HPSE2: variants seen among roughly 807,000 people sequenced by gnomAD.
The protein encoded by HPSE2 is inactive heparanase-2.
In HPSE2, 38 loss-of-function variants were observed where a neutral mutation model predicts 60.5. The observed-to-expected ratio is 0.63, with a 90% CI of 0.48 to 0.82. The LOEUF (loss-of-function observed/expected upper bound fraction) is 0.82. Among genes scored for constraint, HPSE2 ranks in the 40% least tolerant of loss-of-function variants. The probability of loss-of-function intolerance (pLI) is 0.00; values close to 1 mark genes in which losing one functional copy is unlikely to be tolerated. For missense variants in HPSE2, 713 were observed against 740.4 expected, an observed-to-expected ratio of 0.96 and a Z score of 0.43; for synonymous variants, 295 against 293.2, an observed-to-expected ratio of 1.01 and a Z score of -0.06.
intron 3 of HPSE2, among the ~76,000 whole-genome samples, chr10:98,829,685 A>T (rs1353587649): frequency 6.6e-6 from 1 of 152,146 alleles, no homozygotes; most frequent in African/African-American, 2.4e-5. Context: ...TAAAATTTAA[A>T]CTTCCCCCCA....
intron 3 of HPSE2, among the ~76,000 whole-genome samples, chr10:99,002,610 G>A (rs1330655448): frequency 3.9e-5 from 6 of 152,022 alleles, no homozygotes; most frequent in Admixed American, 2.0e-4. Flanking sequence ...AGAAAAGTCT[G>A]AGAAACTGTC....
intron 1 of HPSE2, among the ~76,000 whole-genome samples, chr10:99,232,860 G>A (rs1849707784): frequency 6.6e-6 from 1 of 152,252 alleles, no homozygotes; most frequent in South Asian, 2.1e-4. Context: ...CAGTTGCCCG[G>A]CTTCTGCCAC....
intron 3 of HPSE2, among the ~76,000 whole-genome samples, chr10:98,940,186 A>G (rs1954946095): frequency 7.0e-6 from 1 of 143,702 alleles, no homozygotes; most frequent in Non-Finnish European, 1.5e-5. Context: ...GAGAAGCAAG[A>G]ACAAACACAT....
At chr10:99,099,111 G>A (rs190100752) in intron 3 of HPSE2, among the ~76,000 whole-genome samples, 20 of 152,298 alleles carry the variant, frequency 1.3e-4, no homozygotes, top group African/African-American at 3.6e-4. Context: ...TGAGGTACTG[G>A]GTTCATCTCA....
At chr10:99,100,027 C>A (rs1340587859) in intron 3 of HPSE2, among the ~76,000 whole-genome samples, 1 of 152,056 alleles carries the variant, frequency 6.6e-6, no homozygotes, top group African/African-American at 2.4e-5. Flanking sequence ...GCAGATAAAA[C>A]CACAAAGATG....
chr10:98,683,004 C>G (rs1241741994), intron 6 of HPSE2, among the ~76,000 whole-genome samples: 1 of 152,154 alleles, frequency 6.6e-6, no homozygotes, highest in Non-Finnish European at 1.5e-5. Flanking sequence ...GACATCCAGC[C>G]CTTTCTCTCA....
chr10:98,584,118 T>TA (rs1449416060), intron 9 of HPSE2, among the ~76,000 whole-genome samples: 1 of 152,194 alleles, frequency 6.6e-6, no homozygotes, highest in African/African-American at 2.4e-5. Flanking sequence ...TTTACAATCT[T>TA]ACCAGCGATG....
chr10:99,164,117 T>C (rs1244085614), intron 2 of HPSE2, among the ~76,000 whole-genome samples: 2 of 150,890 alleles, frequency 1.3e-5, no homozygotes, highest in African/African-American at 2.4e-5. Flanking sequence ...ACACCAATAA[T>C]TACTCTGGTG....
Position 98,987,190 on chromosome 10 carries a change from A to C in HPSE2, c.610+157048T>G, listed in dbSNP as rs550505200. Among the ~76,000 whole-genome samples, 357 of 152,106 alleles carry C rather than the reference A, an allele frequency of 2.3e-3. 2 individuals carry two copies. The highest frequency in any genetic ancestry group is 3.4e-3 in the Admixed American group (52 of 15,246). On this transcript the variant is annotated intron_variant, in intron 3 of 11. Coordinates refer to ENST00000370552, the MANE Select transcript of HPSE2 (RefSeq NM_021828.5). ...CCAAAGCCTGGCAGAGAGACAACAA[A>C]AAAAAAAGAGAATTTTAGACCAATA...
At chr10:98,739,161 T>C (rs1354019005) in intron 4 of HPSE2, among the ~76,000 whole-genome samples, 1 of 152,196 alleles carries the variant, frequency 6.6e-6, no homozygotes, top group Non-Finnish European at 1.5e-5. Flanking sequence ...AATGAGTTCA[T>C]GTCCTTTGCA....
intron 6 of HPSE2, among the ~76,000 whole-genome samples, chr10:98,675,918 C>G (rs1381666800): frequency 6.6e-6 from 1 of 151,754 alleles, no homozygotes; most frequent in Non-Finnish European, 1.5e-5. Flanking sequence ...TGGTGCACAA[C>G]TGTAGTTCCA....
intron 3 of HPSE2, among the ~76,000 whole-genome samples, chr10:98,795,967 C>T (rs1307968364): frequency 3.3e-5 from 5 of 152,178 alleles, no homozygotes; most frequent in African/African-American, 1.2e-4. Context: ...CTAGTCCTGG[C>T]AGGATTCATT....
At chr10:99,109,828 A>T (rs1844390122) in intron 3 of HPSE2, among the ~76,000 whole-genome samples, 2 of 152,218 alleles carry the variant, frequency 1.3e-5, no homozygotes, top group Admixed American at 1.3e-4. Flanking sequence ...AAGTTGGAAG[A>T]AATAAAAGTA....
At chr10:99,296,095 T>C in the HPSE2 span, among the ~76,000 whole-genome samples, 1 of 152,218 alleles carries the variant, frequency 6.6e-6, no homozygotes, top group South Asian at 2.1e-4. Context: ...TCAATAGCTA[T>C]TTTGAAGTTT....
At chr10:99,181,894 A>T (rs1564875049) in intron 2 of HPSE2, among the ~76,000 whole-genome samples, 1 of 152,026 alleles carries the variant, frequency 6.6e-6, no homozygotes, top group Non-Finnish European at 1.5e-5. Context: ...AAAAAAGAAG[A>T]GGGAGATTAG....
At chr10:99,066,052 T>C (rs1168268920) in intron 3 of HPSE2, among the ~76,000 whole-genome samples, 2 of 130,174 alleles carry the variant, frequency 1.5e-5, no homozygotes, top group Non-Finnish European at 3.5e-5. Context: ...TAAAACTTTC[T>C]CTAGAGGACT....
At chr10:98,852,648 A>G (rs557866689) in intron 3 of HPSE2, among the ~76,000 whole-genome samples, 4 of 152,344 alleles carry the variant, frequency 2.6e-5, no homozygotes, top group East Asian at 3.9e-4. Flanking sequence ...TTTTTGTCCA[A>G]TTACATTTCT....
intron 9 of HPSE2, among the ~76,000 whole-genome samples, chr10:98,508,229 T>C (rs1189915483): frequency 2.0e-5 from 3 of 152,230 alleles, no homozygotes. Flanking sequence ...CAGATGACAC[T>C]AAAAAGACAG....
chr10:99,058,398 A>G (rs1302314420), intron 3 of HPSE2, among the ~76,000 whole-genome samples: 1 of 152,220 alleles, frequency 6.6e-6, no homozygotes, highest in African/African-American at 2.4e-5. Context: ...ATTTCCTCAC[A>G]AAGACCTGAA....
Sources: allele counts gnomAD v4.1 joint callset (sites outside exome capture counted in the v4.1 genomes callset), GRCh38; gene constraint gnomAD v4.1.1; transcripts MANE v1.5; gene names NCBI Gene and HGNC (gene_info 2026-07-23, HGNC 2026-07-21).